The following MCUB variants were observed in gnomAD, a reference collection of about 807,000 sequenced individuals.
MCUB encodes the protein calcium uniporter regulatory subunit MCUb, mitochondrial.
Under a neutral mutation model 41.4 loss-of-function variants are expected in MCUB, and 46 were observed. The ratio of observed to expected loss-of-function variants is 1.11; its 90% CI spans 0.88 to 1.42. The LOEUF is 1.42. Among genes scored for constraint, MCUB ranks in the 40% most tolerant of loss-of-function variants. The pLI, the probability that MCUB is intolerant of heterozygous loss-of-function variation, is 0.00. For missense variants in MCUB, 403 were observed against 404.9 expected (o/e 1.00, Z 0.04); for synonymous variants, 148 against 148.2 (o/e 1.00, Z 0.01).
rs200109514 is a variant in MCUB, at chr4:109,606,257, G to GA, written c.99+45822dup. ...CCAAAAGTGCTGGGATTACAGGTGT[G>GA]AGCCACTGTGCCTGGCCTGTTTTTT... On this transcript the variant is annotated intron_variant, in intron 1 of 7. Coordinates refer to ENST00000394650, the MANE Select transcript of MCUB (RefSeq NM_017918.5). Among the ~76,000 whole-genome samples, 544 of 152,158 alleles carry GA rather than the reference G, an allele frequency of 3.6e-3. 6 individuals are homozygous for GA. Among genetic ancestry groups the GA allele is most frequent in the East Asian group, 0.014 (71 of 5,176 alleles).
At chr4:109,576,365 A>G (rs1228857820) in intron 1 of MCUB, among the ~76,000 whole-genome samples, 1 of 152,252 alleles carries the variant, frequency 6.6e-6, no homozygotes, top group Non-Finnish European at 1.5e-5. Context: ...TGAAGTGATC[A>G]TTCAAACTTA....
chr4:109,605,111 A>G (rs1197394756), intron 1 of MCUB, among the ~76,000 whole-genome samples: 1 of 152,018 alleles, frequency 6.6e-6, no homozygotes, highest in Non-Finnish European at 1.5e-5. Flanking sequence ...TCTTCTTTAA[A>G]TGTTTGGTAT....
chr4:109,656,429 G>A (rs2126143703), intron 1 of MCUB, among the ~76,000 whole-genome samples: 1 of 124,804 alleles, frequency 8.0e-6, no homozygotes, highest in East Asian at 2.6e-4. Flanking sequence ...AGGCTGAAGT[G>A]CAGTAGCTAC....
At chr4:109,577,081 A>G (rs961987672) in intron 1 of MCUB, among the ~76,000 whole-genome samples, 8 of 152,212 alleles carry the variant, frequency 5.3e-5, no homozygotes, top group Non-Finnish European at 1.0e-4. Flanking sequence ...TGAACTTCTT[A>G]CCTCAAGTGA....
intron 4 of MCUB, among the ~76,000 whole-genome samples, chr4:109,670,014 G>A (rs567365107): frequency 5.3e-5 from 8 of 152,214 alleles, no homozygotes; most frequent in African/African-American, 1.9e-4. Context: ...GCCATGTCTG[G>A]CTCTCGTTCT....
At chr4:109,612,981 C>T (rs1728049936) in intron 1 of MCUB, among the ~76,000 whole-genome samples, 1 of 152,094 alleles carries the variant, frequency 6.6e-6, no homozygotes, top group Non-Finnish European at 1.5e-5. Flanking sequence ...TGGCGGGCGT[C>T]TGTAGTCCCA....
At chr4:109,600,358 C>CT (rs1279265688) in intron 1 of MCUB, among the ~76,000 whole-genome samples, 2 of 152,238 alleles carry the variant, frequency 1.3e-5, no homozygotes, top group Non-Finnish European at 2.9e-5. Flanking sequence ...AACCTAGAGT[C>CT]TATGAGCCTA....
intron 1 of MCUB, among the ~76,000 whole-genome samples, chr4:109,642,790 G>C (rs1054598158): frequency 2.0e-5 from 3 of 151,518 alleles, no homozygotes; most frequent in African/African-American, 7.3e-5. Context: ...GATGAAGACT[G>C]AAATTTTTTT....
At chr4:109,619,376 G>A (rs1728203801) in intron 1 of MCUB, among the ~76,000 whole-genome samples, 2 of 152,178 alleles carry the variant, frequency 1.3e-5, no homozygotes, top group Admixed American at 6.5e-5. Flanking sequence ...ACCATGCCTG[G>A]CCCAGTAAAC....
rs189448256 is a variant in MCUB at position 109,580,180 on chromosome 4, G to C, written c.99+19744G>C. ...TTGCTCGGAGTGATGGTTTCCAGCT[G>C]CATCCATGTCCCTGCAAAGGACATG... On this transcript the variant is annotated intron_variant, in intron 1 of 7. Transcript: ENST00000394650. 1.7e-3 allele frequency among the ~76,000 whole-genome samples: 257 copies of C among 152,248 alleles called. 1 individual carries two copies. The highest frequency in any genetic ancestry group is 3.4e-3 in the Middle Eastern group (1 of 294).
At chr4:109,567,086 C>T (rs553202762) in intron 1 of MCUB, among the ~76,000 whole-genome samples, 75 of 142,922 alleles carry the variant, frequency 5.2e-4, no homozygotes, top group Non-Finnish European at 8.6e-4. Context: ...GAGCCGAGAT[C>T]GCATCATTGC....
At chr4:109,619,030 G>GCCTACCTACCTA (rs762220634) in intron 1 of MCUB, among the ~76,000 whole-genome samples, 32 of 118,798 alleles carry the variant, frequency 2.7e-4, no homozygotes, top group Admixed American at 1.1e-3. Context: ...CTACCTGCCT[G>GCCTACCTACCTA]CCTACCTACC....
In MCUB at chr4:109,687,517, TAA is replaced by T. The variant is rs748016871; in HGVS notation, c.938_939del (p.Lys313ArgfsTer21). The part of the protein sequence containing the change: ...NKLKEDLAKA[K>X]ESLKQARHSL... Reference sequence around the variant, plus strand: ...GCTTTTTCTTTTTCCCATGACAGGCTAAAGAATCCCTGAAACAGGCGCGTCAT... The same window carrying T: ...GCTTTTTCTTTTTCCCATGACAGGCTAGAATCCCTGAAACAGGCGCGTCAT... On this transcript the variant is annotated frameshift_variant, in exon 8 of 8. Coordinates refer to ENST00000394650, the MANE Select transcript of MCUB (RefSeq NM_017918.5). LOFTEE classifies it low-confidence loss of function (END_TRUNC). 6.2e-7 allele frequency: 1 copy of T among 1,608,258 alleles called. No individual in the cohort carries two copies. The highest frequency in any genetic ancestry group is 8.5e-7 in the Non-Finnish European group (1 of 1,175,372).
At chr4:109,656,055 A>G (rs1427863871) in intron 1 of MCUB, among the ~76,000 whole-genome samples, 1 of 152,050 alleles carries the variant, frequency 6.6e-6, no homozygotes, top group African/African-American at 2.4e-5. Context: ...TGTGGGTGCT[A>G]CAGTTACTTC....
chr4:109,682,024 G>A (rs1026640978), intron 4 of MCUB, among the ~76,000 whole-genome samples: 2 of 152,138 alleles, frequency 1.3e-5, no homozygotes, highest in Non-Finnish European at 2.9e-5. Flanking sequence ...ATAGATGATC[G>A]GCTATTTCTT....
chr4:109,621,184 C>T (rs530584602), intron 1 of MCUB, among the ~76,000 whole-genome samples: 4 of 152,296 alleles, frequency 2.6e-5, no homozygotes, highest in African/African-American at 9.6e-5. Flanking sequence ...CAGGTGTGAG[C>T]CACTGCACCC....
At chr4:109,568,928 C>T (rs1726844714) in intron 1 of MCUB, among the ~76,000 whole-genome samples, 1 of 152,180 alleles carries the variant, frequency 6.6e-6, no homozygotes, top group African/African-American at 2.4e-5. Flanking sequence ...CTCTTCTCCA[C>T]TTAATCTAGG....
At chr4:109,659,501 G>A (rs1457553889) in intron 2 of MCUB, among the ~76,000 whole-genome samples, 1 of 152,118 alleles carries the variant, frequency 6.6e-6, no homozygotes, top group Non-Finnish European at 1.5e-5. Flanking sequence ...GAGGTGGGAA[G>A]ATTGCTTGAG....
intron 4 of MCUB, among the ~76,000 whole-genome samples, chr4:109,667,930 T>G (rs1415509857): frequency 2.6e-5 from 4 of 152,184 alleles, no homozygotes; most frequent in African/African-American, 9.6e-5. Flanking sequence ...TTATTTAATA[T>G]CTAAGTATTT....
Sources: gnomAD v4.1 joint callset for allele counts (sites outside exome capture counted in the v4.1 genomes callset) on GRCh38, gnomAD v4.1.1 for gene constraint, MANE v1.5 for transcripts, NCBI Gene and HGNC (gene_info 2026-07-23, HGNC 2026-07-21) for gene names.